Variants in FIGN observed in about 807,000 individuals in gnomAD.
FIGN encodes the protein fidgetin, microtubule severing factor.
In FIGN, 11 loss-of-function variants were observed where a neutral mutation model predicts 51.3. That is an observed-to-expected ratio of 0.21 (90% CI 0.13 to 0.35). FIGN has a LOEUF of 0.35. FIGN is among the 10% of genes least tolerant of loss of function. FIGN has a pLI of 1.00. For synonymous variants in FIGN, 407 were observed against 363.2 expected, an observed-to-expected ratio of 1.12 and a Z score of -1.37; for missense variants, 857 against 943.6, an observed-to-expected ratio of 0.91 and a Z score of 1.20.
chr2:163,663,662 C>T (rs1363354437), intron 2 of FIGN, among the ~76,000 whole-genome samples: 1 of 151,786 alleles, frequency 6.6e-6, no homozygotes, highest in Non-Finnish European at 1.5e-5. Context: ...GTGGGCAGAT[C>T]ACCTGAGGTC....
intron 2 of FIGN, among the ~76,000 whole-genome samples, chr2:163,698,024 G>A (rs570654576): frequency 1.2e-4 from 19 of 152,210 alleles, no homozygotes; most frequent in African/African-American, 3.9e-4. Flanking sequence ...GTGCACCACC[G>A]CCATGGAGTA....
intron 2 of FIGN, among the ~76,000 whole-genome samples, chr2:163,728,740 G>A (rs1478178546): frequency 6.6e-6 from 1 of 152,096 alleles, no homozygotes; most frequent in Non-Finnish European, 1.5e-5. Context: ...TGGCTTCATT[G>A]CCCCATCATT....
chr2:163,606,138 T>C lies in FIGN; in HGVS notation c.*3414A>G, dbSNP rs1691106740. On this transcript the variant is annotated 3_prime_UTR_variant, in exon 3 of 3. Coordinates refer to ENST00000333129, the MANE Select transcript of FIGN (RefSeq NM_018086.4). The stretch of plus-strand genomic sequence containing the variant: ...TTTGAGTAGAATACAAACTGACTAA[T>C]AGATAAACATTCTGTGTGAAAGTAA... 1 of 152,130 alleles carries C rather than the reference T, an allele frequency of 6.6e-6. No individual in the cohort carries two copies. Among genetic ancestry groups the C allele is most frequent in the Non-Finnish European group, 1.5e-5 (1 of 68,010 alleles). 9.4% of individuals were successfully genotyped at this position (152,130 alleles called of 1,614,324 possible). A position where few individuals can be genotyped will look rare whatever the true frequency, so the allele number is the denominator to read the frequency against.
At chr2:163,638,172 C>A (rs923134771) in intron 2 of FIGN, among the ~76,000 whole-genome samples, 4 of 151,938 alleles carry the variant, frequency 2.6e-5, no homozygotes, top group Non-Finnish European at 5.9e-5. Flanking sequence ...GGAATCCTGC[C>A]GTGGTCTTGC....
intron 2 of FIGN, among the ~76,000 whole-genome samples, chr2:163,630,837 CCATTT>C (rs1418204209): frequency 6.6e-6 from 1 of 152,020 alleles, no homozygotes; most frequent in East Asian, 1.9e-4. Context: ...TAAAAAAATC[CCATTT>C]CATTTAGAAC....
chr2:163,643,541 C>T (rs1252740303), intron 2 of FIGN, among the ~76,000 whole-genome samples: 1 of 151,086 alleles, frequency 6.6e-6, no homozygotes, highest in African/African-American at 2.4e-5. Context: ...GTTCTAGCTA[C>T]TCAGGAGGCT....
At chr2:163,625,577 T>C (rs893724850) in intron 2 of FIGN, among the ~76,000 whole-genome samples, 6 of 152,050 alleles carry the variant, frequency 3.9e-5, no homozygotes, top group South Asian at 2.1e-4. Context: ...CCCACTGTTA[T>C]ATACCTCTGA....
rs1158619572 is a variant in FIGN at position 163,607,049 on chromosome 2, T to C, written c.*2503A>G. 1 of 152,180 alleles carries C rather than the reference T, an allele frequency of 6.6e-6. No homozygotes were observed. Among genetic ancestry groups the C allele is most frequent in the African/African-American group, 2.4e-5 (1 of 41,450 alleles). The allele number at this position is 152,180 out of a possible 1,614,324, so 9.4% of individuals were successfully genotyped here. ...CTAGCCACAAAAAAATGTGGGTCAATATTGGATTTTCCAAAGTTGTCTAAA... is the reference window on the plus strand; with the variant it reads ...CTAGCCACAAAAAAATGTGGGTCAACATTGGATTTTCCAAAGTTGTCTAAA... On this transcript the variant is annotated 3_prime_UTR_variant, in exon 3 of 3. Coordinates refer to ENST00000333129, the MANE Select transcript of FIGN (RefSeq NM_018086.4).
chr2:163,615,611 C>T (rs1209763336), intron 2 of FIGN, among the ~76,000 whole-genome samples: 8 of 152,142 alleles, frequency 5.3e-5, no homozygotes, highest in Non-Finnish European at 8.8e-5. Flanking sequence ...AGAAGCAATA[C>T]ACCTGTGTCA....
intron 2 of FIGN, among the ~76,000 whole-genome samples, chr2:163,728,626 G>A (rs1684877687): frequency 6.6e-6 from 1 of 152,082 alleles, no homozygotes; most frequent in South Asian, 2.1e-4. Context: ...TTTTTCGGCA[G>A]AGGCAGATGG....
At position 163,612,692 on chromosome 2, in the gene FIGN, A is replaced by ATGTGTGTG. The variant is rs10678331; in HGVS notation, c.26-894_26-887dup. On this transcript the variant is annotated intron_variant, in intron 2 of 2. Coordinates refer to ENST00000333129, the MANE Select transcript of FIGN (RefSeq NM_018086.4). ...GCCTGCAAGGTACTAAGAGGGGAGA[A>ATGTGTGTG]TGTGTGTGTGTGTGTGTGTGTGTGT... is the stretch of plus-strand genomic sequence containing the variant. The ATGTGTGTG allele has an allele frequency of 3.6e-3, 1,380 of 385,864 alleles. 3 individuals are homozygous for ATGTGTGTG. Among genetic ancestry groups the ATGTGTGTG allele is most frequent in the African/African-American group, 0.01 (419 of 41,456 alleles). The allele number at this position is 385,864 out of a possible 1,614,324, so 23.9% of individuals were successfully genotyped here. A position where few individuals can be genotyped will look rare whatever the true frequency, so the allele number is the denominator to read the frequency against.
intron 2 of FIGN, among the ~76,000 whole-genome samples, chr2:163,682,353 T>TA (rs998272780): frequency 2.0e-5 from 3 of 152,072 alleles, no homozygotes; most frequent in African/African-American, 4.8e-5. Context: ...AGCAGGAGCA[T>TA]AAAATAACAG....
chr2:163,710,500 T>C (rs1307964613), intron 2 of FIGN, among the ~76,000 whole-genome samples: 2 of 152,208 alleles, frequency 1.3e-5, no homozygotes, highest in Non-Finnish European at 2.9e-5. Flanking sequence ...TCTCAAATTA[T>C]AGTTTTGGAT....
intron 2 of FIGN, among the ~76,000 whole-genome samples, chr2:163,629,952 CT>C (rs71297448): frequency 0.02 from 1,123 of 56,896 alleles, no homozygotes; most frequent in African/African-American, 0.023. Flanking sequence ...GAAAGGGGCA[CT>C]TTTTTTTTTT....
chr2:163,640,191 C>G (rs1217795493), intron 2 of FIGN, among the ~76,000 whole-genome samples: 1 of 152,024 alleles, frequency 6.6e-6, no homozygotes, highest in Non-Finnish European at 1.5e-5. Flanking sequence ...AGTAATTTTT[C>G]TAATTATGAA....
intron 2 of FIGN, among the ~76,000 whole-genome samples, chr2:163,709,377 A>G (rs1361260045): frequency 6.6e-6 from 1 of 152,170 alleles, no homozygotes; most frequent in Non-Finnish European, 1.5e-5. Flanking sequence ...CATGCACATT[A>G]TTAAGTAAAT....
At chr2:163,691,835 G>A (rs1684244533) in intron 2 of FIGN, among the ~76,000 whole-genome samples, 1 of 152,134 alleles carries the variant, frequency 6.6e-6, no homozygotes, top group African/African-American at 2.4e-5. Flanking sequence ...ACCAGGGCCA[G>A]AGGAATTTGC....
intron 2 of FIGN, among the ~76,000 whole-genome samples, chr2:163,701,145 G>T (rs1188058718): frequency 6.6e-6 from 1 of 152,112 alleles, no homozygotes; most frequent in African/African-American, 2.4e-5. Flanking sequence ...TATTGAGTCA[G>T]TAGCTCAGGG....
chr2:163,704,164 A>G (rs1437089309), intron 2 of FIGN, among the ~76,000 whole-genome samples: 1 of 152,156 alleles, frequency 6.6e-6, no homozygotes. Context: ...AAACATCCAA[A>G]AAAGGTGATT....
Sources: gnomAD v4.1 joint callset for allele counts (sites outside exome capture counted in the v4.1 genomes callset) on GRCh38, gnomAD v4.1.1 for gene constraint, MANE v1.5 for transcripts, NCBI Gene and HGNC (gene_info 2026-07-23, HGNC 2026-07-21) for gene names.